The following TRIM9 variants were observed in gnomAD, a reference collection of about 807,000 sequenced individuals.
TRIM9 encodes E3 ubiquitin-protein ligase TRIM9.
Under a neutral mutation model 78.3 loss-of-function variants are expected in TRIM9, and 26 were observed. That is an observed-to-expected ratio of 0.33 (90% CI 0.24 to 0.46). The LOEUF (loss-of-function observed/expected upper bound fraction) is 0.46. Among genes scored for constraint, TRIM9 ranks in the 20% least tolerant of loss-of-function variants. The pLI, the probability that TRIM9 is intolerant of heterozygous loss-of-function variation, is 1.00. For missense variants in TRIM9, 787 were observed against 1,036.4 expected (o/e 0.76, Z 3.30); for synonymous variants, 398 against 416.5 (o/e 0.96, Z 0.54).
chr14:51,063,497 C>G (rs2061500861), intron 1 of TRIM9, among the ~76,000 whole-genome samples: 1 of 151,888 alleles, frequency 6.6e-6, no homozygotes, highest in Non-Finnish European at 1.5e-5. Context: ...CACTGAACTC[C>G]AAGCAGAATA....
At chr14:51,010,521 C>G (rs1481376169) in intron 3 of TRIM9, 27 bp from the exon 4 acceptor site, 1 of 1,563,750 alleles carries the variant, frequency 6.4e-7, no homozygotes, top group East Asian at 2.2e-5. Context: ...AACAACAGAA[C>G]AGTCCAAGAT....
At chr14:51,076,812 C>T (rs1036862937) in intron 1 of TRIM9, among the ~76,000 whole-genome samples, 5 of 152,196 alleles carry the variant, frequency 3.3e-5, no homozygotes, top group African/African-American at 1.2e-4. Context: ...TCACAGCCTA[C>T]CACCGTCCTT....
intron 1 of TRIM9, among the ~76,000 whole-genome samples, chr14:51,065,205 T>C (rs1480788812): frequency 1.3e-5 from 2 of 152,188 alleles, no homozygotes; most frequent in Non-Finnish European, 2.9e-5. Context: ...CACGTGCATA[T>C]TGCTTCAATA....
chr14:51,036,155 A>G (rs1410821906), intron 1 of TRIM9, among the ~76,000 whole-genome samples: 1 of 152,168 alleles, frequency 6.6e-6, no homozygotes, highest in East Asian at 1.9e-4. Context: ...ACCTCATTGC[A>G]GTGAAAACCT....
At chr14:51,045,066 A>T (rs930602449) in intron 1 of TRIM9, among the ~76,000 whole-genome samples, 30 of 150,636 alleles carry the variant, frequency 2.0e-4, no homozygotes, top group African/African-American at 6.3e-4. Context: ...GGAAAAAAAA[A>T]TCAAATACTG....
At chr14:51,092,805 A>G (rs2064495129) in intron 1 of TRIM9, among the ~76,000 whole-genome samples, 1 of 152,204 alleles carries the variant, frequency 6.6e-6, no homozygotes, top group Non-Finnish European at 1.5e-5. Flanking sequence ...AATACAAAAA[A>G]TAACATAATT....
At chr14:51,077,897 C>A (rs1230685197) in intron 1 of TRIM9, among the ~76,000 whole-genome samples, 1 of 152,226 alleles carries the variant, frequency 6.6e-6, no homozygotes, top group Non-Finnish European at 1.5e-5. Flanking sequence ...ACACCATTAT[C>A]TGTGTAACGA....
chr14:50,997,954 AG>A (rs1460897750), intron 7 of TRIM9, 95 bp downstream of exon 7: 4 of 1,565,866 alleles, frequency 2.6e-6, no homozygotes, highest in Non-Finnish European at 3.5e-6. Context: ...GAAACACTTC[AG>A]GAATGTGGGC....
intron 1 of TRIM9, among the ~76,000 whole-genome samples, chr14:51,049,129 C>G (rs1052186714): frequency 6.6e-6 from 1 of 152,096 alleles, no homozygotes; most frequent in Non-Finnish European, 1.5e-5. Flanking sequence ...AAGCGCAGTC[C>G]CGGCTCACTG....
chr14:51,025,101 T>C (rs2058093746), intron 2 of TRIM9, among the ~76,000 whole-genome samples, 164 bp downstream of exon 2: 1 of 152,158 alleles, frequency 6.6e-6, no homozygotes, highest in Non-Finnish European at 1.5e-5. Flanking sequence ...AGAAGGGGTA[T>C]GTTTGAAGTT....
intron 5 of TRIM9, among the ~76,000 whole-genome samples, chr14:51,008,267 A>G (rs571294586): frequency 3.3e-5 from 5 of 152,342 alleles, no homozygotes; most frequent in African/African-American, 1.2e-4. Flanking sequence ...CTATACACAC[A>G]CACACTGTTA....
At chr14:51,025,417 C>CCGCACAGGTGTTTT (rs1555339926) in intron 1 of TRIM9, 57 bp from the exon 2 acceptor site, 15 of 1,510,496 alleles carry the variant, frequency 9.9e-6, no homozygotes, top group Non-Finnish European at 1.3e-5. Context: ...ACCAACAAGG[C>CCGCACAGGTGTTTT]CAGCGAGACT....
At chr14:51,016,309 C>T (rs2057188169) in intron 3 of TRIM9, among the ~76,000 whole-genome samples, 1 of 152,120 alleles carries the variant, frequency 6.6e-6, no homozygotes, top group South Asian at 2.1e-4. Context: ...GAGCGGCGGC[C>T]ACCTCCTTTC....
In TRIM9 at chr14:50,982,036, T is replaced by G; in HGVS notation, c.1926A>C (p.Thr642=). 1 of 1,614,156 alleles carries G rather than the reference T, an allele frequency of 6.2e-7. No individual in the cohort carries two copies. Among genetic ancestry groups the G allele is most frequent in the Non-Finnish European group, 8.5e-7 (1 of 1,180,028 alleles). The part of the protein sequence containing the change: ...SDIILSNDNL[T]VTCSSYDDRV... The stretch of plus-strand genomic sequence containing the variant: ...GGTCATCATAGCTACTACAGGTCAC[T>G]GTCAGGTTGTCATTGGAGAGGATGA... Residue 642 remains threonine (T), a synonymous_variant, in exon 11 of 13, where the codon ACA becomes ACC. Transcript: ENST00000684578.
intron 7 of TRIM9, chr14:50,997,448 C>A: frequency 1.0e-6 from 1 of 985,476 alleles, no homozygotes; most frequent in Non-Finnish European, 1.2e-6. Context: ...CTGTTTGGTG[C>A]CCACAGGAAG....
chr14:50,981,173 G>A (rs2051837031), intron 11 of TRIM9, among the ~76,000 whole-genome samples: 1 of 152,150 alleles, frequency 6.6e-6, no homozygotes, highest in African/African-American at 2.4e-5. Context: ...TATTTTGGTG[G>A]TAGAAGAAAA....
intron 1 of TRIM9, among the ~76,000 whole-genome samples, chr14:51,034,707 T>G (rs575860647): frequency 6.6e-6 from 1 of 152,318 alleles, no homozygotes; most frequent in East Asian, 1.9e-4. Context: ...GGAGATTAAT[T>G]AAATAAATTA....
chr14:50,994,822 C>T (rs2053988999), intron 7 of TRIM9, among the ~76,000 whole-genome samples: 1 of 152,134 alleles, frequency 6.6e-6, no homozygotes, highest in Admixed American at 6.5e-5. Context: ...AGTTTTGGGG[C>T]TTGGGGGCCT....
At chr14:51,054,221 C>T (rs2060696619) in intron 1 of TRIM9, among the ~76,000 whole-genome samples, 1 of 152,128 alleles carries the variant, frequency 6.6e-6, no homozygotes, top group Admixed American at 6.5e-5. Context: ...TGCACCACGC[C>T]CAACCATTGA....
Sources: allele counts gnomAD v4.1 joint callset (sites outside exome capture counted in the v4.1 genomes callset), GRCh38; gene constraint gnomAD v4.1.1; transcripts MANE v1.5; gene names NCBI Gene and HGNC (gene_info 2026-07-23, HGNC 2026-07-21).